The following ATP2B2 variants were observed in gnomAD, a reference collection of about 807,000 sequenced individuals.
ATP2B2 encodes the protein plasma membrane calcium-transporting ATPase 2.
ATP2B2 carries 15 observed loss-of-function variants against 120.0 expected under a neutral mutation model. The ratio of observed to expected loss-of-function variants is 0.12; its 90% CI spans 0.08 to 0.19. The LOEUF is 0.19. Among genes scored for constraint, ATP2B2 ranks in the 10% least tolerant of loss-of-function variants. The probability of loss-of-function intolerance (pLI) is 1.00; values close to 1 mark genes in which losing one functional copy is unlikely to be tolerated. For synonymous variants in ATP2B2, 694 were observed against 700.3 expected, an observed-to-expected ratio of 0.99 and a Z score of 0.14; for missense variants, 1,045 against 1,719.8, an observed-to-expected ratio of 0.61 and a Z score of 6.94.
chr3:10,516,539 C>G (rs548473969), intron 3 of ATP2B2, among the ~76,000 whole-genome samples: 1 of 152,336 alleles, frequency 6.6e-6, no homozygotes, highest in African/African-American at 2.4e-5. Context: ...AGTTCTCATC[C>G]CATTGTCCCC....
intron 1 of ATP2B2, among the ~76,000 whole-genome samples, chr3:10,643,774 C>A (rs937684297): frequency 1.3e-5 from 2 of 152,028 alleles, no homozygotes; most frequent in Non-Finnish European, 2.9e-5. Context: ...ATATGACAAC[C>A]AAATGCAGTA....
At chr3:10,593,623 C>A (rs1264636734) in intron 2 of ATP2B2, among the ~76,000 whole-genome samples, 2 of 152,076 alleles carry the variant, frequency 1.3e-5, no homozygotes, top group Non-Finnish European at 2.9e-5. Flanking sequence ...AGAAGAAAAC[C>A]TAGGCAATAC....
chr3:10,482,667 C>T (rs558625784), intron 1 of ATP2B2, among the ~76,000 whole-genome samples: 2 of 152,202 alleles, frequency 1.3e-5, no homozygotes, highest in African/African-American at 4.8e-5. Flanking sequence ...TGCCAGGTCT[C>T]CCCCCTGAGG....
At chr3:10,668,343 A>G (rs1387914021) in intron 1 of ATP2B2, among the ~76,000 whole-genome samples, 1 of 152,214 alleles carries the variant, frequency 6.6e-6, no homozygotes, top group Non-Finnish European at 1.5e-5. Flanking sequence ...ACCCAGATCG[A>G]TCTAACTCCC....
At chr3:10,599,995 A>G (rs1054173367) in intron 2 of ATP2B2, among the ~76,000 whole-genome samples, 23 of 152,282 alleles carry the variant, frequency 1.5e-4, no homozygotes, top group Admixed American at 1.2e-3. Context: ...GCTTTCCCAC[A>G]GGCCTTTCAA....
chr3:10,342,823 C>T lies in ATP2B2; in HGVS notation c.2846G>A (p.Arg949Lys). 6.2e-7 allele frequency: 1 copy of T among 1,614,062 alleles called. No homozygotes were observed. The highest frequency in any genetic ancestry group is 8.5e-7 in the Non-Finnish European group (1 of 1,179,978). The stretch of plus-strand genomic sequence containing the variant: ...GCCCAGGATGTTCTTCATCATGGTC[C>T]TGGAGATGAGCGGCTTGTTGCGGCC... ...PYGRNKPLISRTMMKNILGHA... is the reference protein window; with the variant it reads ...PYGRNKPLISKTMMKNILGHA... The change falls in exon 19 of 23, where the codon AGG becomes AAG. Residue 949 changes from arginine (R) to lysine (K), a missense_variant. Physicochemically the swap from Arg to Lys is conservative, Grantham distance 26. Around this residue, in one of 11 missense-constraint regions of ATP2B2, gnomAD observed 98 missense variants for 266.7 expected, o/e 0.37. Coordinates refer to ENST00000360273, the MANE Select transcript of ATP2B2 (RefSeq NM_001001331.4). The surrounding 1 kb of genome is among the most constrained non-coding windows in gnomAD (Gnocchi z 4.4).
intron 15 of ATP2B2, 99 bp from the exon 16 acceptor site, chr3:10,350,298 G>C: frequency 6.3e-7 from 1 of 1,588,450 alleles, no homozygotes; most frequent in Non-Finnish European, 8.6e-7. Flanking sequence ...TGGGCTCTTA[G>C]CAGCACACTG....
At chr3:10,480,042 G>A (rs1053766513) in intron 1 of ATP2B2, among the ~76,000 whole-genome samples, 3 of 152,180 alleles carry the variant, frequency 2.0e-5, no homozygotes, top group Admixed American at 6.5e-5. Context: ...GCTATAGTGA[G>A]CCATGATTGT....
intron 2 of ATP2B2, among the ~76,000 whole-genome samples, chr3:10,597,742 A>C (rs1208572458): frequency 6.6e-6 from 1 of 152,160 alleles, no homozygotes; most frequent in African/African-American, 2.4e-5. Context: ...CATTTGCTGA[A>C]AGAAAACAAC....
chr3:10,346,145 G>T lies in ATP2B2; in HGVS notation c.2405-8C>A. 1.9e-6 allele frequency: 3 copies of T among 1,609,046 alleles called. No individual in the cohort carries two copies. Among genetic ancestry groups the T allele is most frequent in the Non-Finnish European group, 2.5e-6 (3 of 1,179,866 alleles). ...GTGTGCTGTCGATGATGCCTGTTGG[G>T]GCAGGAGTGTGCTCAGGCCCTGGGC... On this transcript the variant is annotated splice_polypyrimidine_tract_variant and splice_region_variant and intron_variant, in intron 16 of 22. Transcript: ENST00000360273. The surrounding 1 kb of genome is among the most constrained non-coding windows in gnomAD (Gnocchi z 4.1).
chr3:10,496,070 G>A (rs182603655), intron 1 of ATP2B2, among the ~76,000 whole-genome samples: 1 of 152,354 alleles, frequency 6.6e-6, no homozygotes, highest in Admixed American at 6.5e-5. Flanking sequence ...TCTGAGCTCA[G>A]AAATCTGAAA....
intron 2 of ATP2B2, among the ~76,000 whole-genome samples, chr3:10,614,706 C>G (rs2069335675): frequency 6.6e-6 from 1 of 152,132 alleles, no homozygotes; most frequent in African/African-American, 2.4e-5. Context: ...CCCAGAGTGG[C>G]TGTGAGGGTT....
At chr3:10,480,733 GGCCTACTGCATTA>G (rs1440405284) in intron 1 of ATP2B2, among the ~76,000 whole-genome samples, 1 of 152,310 alleles carries the variant, frequency 6.6e-6, no homozygotes, top group East Asian at 1.9e-4. Flanking sequence ...GTGCCCGCAA[GGCCTACTGCATTA>G]GCCTCCTCGC....
intron 1 of ATP2B2, among the ~76,000 whole-genome samples, chr3:10,642,077 C>T (rs926132003): frequency 1.9e-4 from 29 of 152,130 alleles, no homozygotes; most frequent in African/African-American, 6.0e-4. Flanking sequence ...CACCCCTCCA[C>T]CCATCCCTTA....
rs754286839 is a variant in ATP2B2, at chr3:10,449,370, C to T, written c.174G>A (p.Arg58=). The T allele has an allele frequency of 6.2e-7, 1 of 1,614,238 alleles. No individual in the cohort carries two copies. Among genetic ancestry groups the T allele is most frequent in the East Asian group, 2.2e-5 (1 of 44,892 alleles). ...CTTCAACAGGTGAGGTTTTGAGGCG[C>T]CGGCAGATGGCTTCGGTGTCCCCAT... ...ETYGDTEAIC[R]RLKTSPVEGL... is the part of the protein sequence containing the mutation. The change falls in exon 2 of 23, where the codon CGG becomes CGA. Residue 58 remains arginine (R), a synonymous_variant. Transcript: ENST00000360273.
intron 5 of ATP2B2, among the ~76,000 whole-genome samples, chr3:10,394,955 G>A (rs1421380335): frequency 6.6e-6 from 1 of 152,146 alleles, no homozygotes; most frequent in Admixed American, 6.5e-5. Flanking sequence ...AAGGAGGCAG[G>A]CTCCTGCATG....
chr3:10,675,447 A>G (rs2071217085), intron 1 of ATP2B2, among the ~76,000 whole-genome samples: 1 of 152,176 alleles, frequency 6.6e-6, no homozygotes, highest in South Asian at 2.1e-4. Context: ...GATTATTGGT[A>G]TATTATTTTC....
intron 2 of ATP2B2, among the ~76,000 whole-genome samples, chr3:10,439,281 CCTT>C (rs1170410268): frequency 1.3e-5 from 2 of 152,210 alleles, no homozygotes; most frequent in African/African-American, 4.8e-5. Flanking sequence ...ACTAGACCAA[CCTT>C]CTTTATTTTC....
chr3:10,462,741 A>T (rs1250737324), intron 1 of ATP2B2, among the ~76,000 whole-genome samples: 1 of 152,200 alleles, frequency 6.6e-6, no homozygotes, highest in African/African-American at 2.4e-5. Context: ...TTTGGATTTG[A>T]GCATGGCTGT....
Sources: allele counts gnomAD v4.1 joint callset (sites outside exome capture counted in the v4.1 genomes callset), GRCh38; gene constraint gnomAD v4.1.1; regional missense constraint gnomAD v4.1.1; non-coding constraint Gnocchi (gnomAD v3.1); transcripts MANE v1.5; gene names NCBI Gene and HGNC (gene_info 2026-07-23, HGNC 2026-07-21).